Variants in PAN3 observed in about 807,000 individuals in gnomAD.
PAN3 encodes the protein PAN2-PAN3 deadenylation complex subunit PAN3.
A neutral mutation model predicts 96.2 loss-of-function variants in PAN3; 19 were observed. That is an observed-to-expected ratio of 0.20 (90% CI 0.14 to 0.29). PAN3 has a LOEUF of 0.29. Among genes scored for constraint, PAN3 ranks in the 10% least tolerant of loss-of-function variants. PAN3 has a pLI of 1.00. For missense variants in PAN3, 882 were observed against 1,108.1 expected (o/e 0.80, Z 2.90); for synonymous variants, 433 against 406.6 (o/e 1.06, Z -0.78).
intron 6 of PAN3, among the ~76,000 whole-genome samples, chr13:28,224,488 A>G (rs1310409567): frequency 6.6e-6 from 1 of 152,184 alleles, no homozygotes; most frequent in African/African-American, 2.4e-5. Flanking sequence ...ATGAGTTCTT[A>G]TATTTGCAAA....
At chr13:28,188,662 G>A (rs552156601) in intron 4 of PAN3, among the ~76,000 whole-genome samples, 17 of 152,332 alleles carry the variant, frequency 1.1e-4, no homozygotes, top group Admixed American at 5.2e-4. Flanking sequence ...ATTACACAGT[G>A]ATTATGTTTT....
rs567275000 is a variant in PAN3 at position 28,193,819 on chromosome 13, A to G, written c.691-3366A>G. Among the ~76,000 whole-genome samples the G allele has an allele frequency of 1.3e-4, 19 of 151,414 alleles. No homozygotes were observed. In the East Asian group the frequency reaches 3.7e-3, roughly 29 times the overall value. ...TTTTTTCAATGTTGTTTACTGTACT[A>G]CTACATAGAAAGTGAATTGTATTGA... On this transcript the variant is annotated intron_variant, in intron 4 of 18. Coordinates refer to ENST00000380958, the MANE Select transcript of PAN3 (RefSeq NM_175854.8).
chr13:28,204,375 A>G (rs1830724126), intron 5 of PAN3, among the ~76,000 whole-genome samples: 1 of 152,170 alleles, frequency 6.6e-6, no homozygotes, highest in Admixed American at 6.5e-5. Context: ...TTGGGCTTGA[A>G]ATATTTTATC....
At chr13:28,196,659 T>A (rs1222143660) in intron 4 of PAN3, among the ~76,000 whole-genome samples, 2 of 152,094 alleles carry the variant, frequency 1.3e-5, no homozygotes, top group Non-Finnish European at 2.9e-5. Context: ...AGAATTAAAA[T>A]TTTTTAAAAA....
intron 5 of PAN3, chr13:28,215,267 G>A: frequency 1.4e-6 from 1 of 708,256 alleles, no homozygotes; most frequent in South Asian, 1.5e-5. Flanking sequence ...AGCCTCTCCA[G>A]GGTGTCTACA....
intron 6 of PAN3, chr13:28,240,049 T>A (rs1278249111): frequency 6.5e-6 from 1 of 152,878 alleles, no homozygotes; most frequent in African/African-American, 2.4e-5. Flanking sequence ...TAGTATGCAT[T>A]TGTGGCTTAG....
chr13:28,159,293 C>T (rs1217389905), intron 1 of PAN3, among the ~76,000 whole-genome samples: 8 of 152,118 alleles, frequency 5.3e-5, no homozygotes, highest in Admixed American at 5.2e-4. Flanking sequence ...AGGATAATGT[C>T]CTTTGCAGCA....
intron 6 of PAN3, among the ~76,000 whole-genome samples, chr13:28,250,613 C>T (rs1400757974): frequency 6.6e-6 from 1 of 152,114 alleles, no homozygotes; most frequent in Non-Finnish European, 1.5e-5. Flanking sequence ...GTGACCCACC[C>T]GCCTCGGCCT....
At chr13:28,274,534 T>C (rs930167139) in intron 14 of PAN3, among the ~76,000 whole-genome samples, 1 of 151,664 alleles carries the variant, frequency 6.6e-6, no homozygotes, top group African/African-American at 2.4e-5. Flanking sequence ...CATTCTTTTC[T>C]CAGTAGGGTT....
Position 28,255,322 on chromosome 13 carries a change from A to T in PAN3, c.1001-970A>T, listed in dbSNP as rs1885049480. On this transcript the variant is annotated intron_variant, in intron 6 of 18. Transcript: ENST00000380958. ...GATCACCTCCATTAAGCCTTTGATT[A>T]ACGCTACCTGGTTTTAATTAATTTG... 2.0e-5 allele frequency among the ~76,000 whole-genome samples: 3 copies of T among 152,180 alleles called. No individual in the cohort carries two copies. The South Asian group carries it at 6.2e-4, about 32-fold the overall frequency.
In PAN3 at chr13:28,293,390, T is replaced by TTTTTTG. The variant is rs1566269233; in HGVS notation, c.*873_*874insGTTTTT. 1.6e-4 allele frequency: 3 copies of TTTTTTG among 18,292 alleles called. No individual in the cohort carries two copies. Among genetic ancestry groups the TTTTTTG allele is most frequent in the African/African-American group, 3.0e-4 (3 of 9,966 alleles). The allele number at this position is 18,292 out of a possible 1,614,324, so 1.1% of individuals were successfully genotyped here. On this transcript the variant is annotated 3_prime_UTR_variant, in exon 19 of 19. Coordinates refer to ENST00000380958, the MANE Select transcript of PAN3 (RefSeq NM_175854.8). ...TTAGGTTCTTTCCAGTTTGCTGGTTTTTTTTTTTTTTTTTTTTTTTTTTTT... is the reference window on the plus strand; with the variant it reads ...TTAGGTTCTTTCCAGTTTGCTGGTTTTTTTTGTTTTTTTTTTTTTTTTTTTTTTTTT...
intron 6 of PAN3, among the ~76,000 whole-genome samples, chr13:28,244,823 G>A (rs1884023810): frequency 6.6e-6 from 1 of 151,302 alleles, no homozygotes; most frequent in Admixed American, 6.6e-5. Context: ...TAATTAGCTT[G>A]GTTAATATTT....
At chr13:28,261,531 C>A in intron 9 of PAN3, 73 bp downstream of exon 9, 1 of 1,378,686 alleles carries the variant, frequency 7.3e-7, no homozygotes. Context: ...ATGTTTTATG[C>A]ATTATTAAGA....
Position 28,138,858 on chromosome 13 carries a change from G to T in PAN3, c.201G>T (p.Leu67=), listed in dbSNP as rs1869165199. ...TCFYGEECQF[L]HEDPAAGAAP... ...TCTACGGGGAGGAGTGTCAGTTCCT[G>T]CATGAGGACCCTGCCGCCGGGGCTG... The change falls in exon 1 of 19, where the codon CTG becomes CTT. Residue 67 remains leucine (L), a synonymous_variant. Coordinates refer to ENST00000380958, the MANE Select transcript of PAN3 (RefSeq NM_175854.8). 2.1e-6 allele frequency: 3 copies of T among 1,423,920 alleles called. No homozygotes were observed. The highest frequency in any genetic ancestry group is 5.6e-5 in the Admixed American group (2 of 35,712). 88.2% of individuals were successfully genotyped at this position (1,423,920 alleles called of 1,614,324 possible). A position where few individuals can be genotyped will look rare whatever the true frequency, so the allele number is the denominator to read the frequency against.
chr13:28,230,205 TAG>T (rs1411857280), intron 6 of PAN3, among the ~76,000 whole-genome samples: 1 of 152,154 alleles, frequency 6.6e-6, no homozygotes, highest in Non-Finnish European at 1.5e-5. Flanking sequence ...TCTGAATAAC[TAG>T]AGTTATTGTT....
intron 7 of PAN3, 76 bp downstream of exon 7, chr13:28,256,615 C>T: frequency 7.0e-7 from 1 of 1,424,268 alleles, no homozygotes; most frequent in South Asian, 1.5e-5. Context: ...GGTCTACCCC[C>T]TCCTGCAGCT....
chr13:28,153,394 C>T (rs1871665041), intron 1 of PAN3, among the ~76,000 whole-genome samples: 1 of 151,898 alleles, frequency 6.6e-6, no homozygotes. Context: ...CACCACCATG[C>T]CTGGCTAATT....
At chr13:28,212,944 A>G (rs1278734638) in intron 5 of PAN3, among the ~76,000 whole-genome samples, 1 of 152,196 alleles carries the variant, frequency 6.6e-6, no homozygotes, top group Non-Finnish European at 1.5e-5. Flanking sequence ...CTGTAAACCC[A>G]CAGACTCAAG....
At chr13:28,272,572 CTT>C (rs1320004749) in intron 14 of PAN3, among the ~76,000 whole-genome samples, 25 of 143,058 alleles carry the variant, frequency 1.7e-4, no homozygotes, top group Non-Finnish European at 2.6e-4. Context: ...GTCAGAGACT[CTT>C]TTTTTTTTTT....
Sources: allele counts gnomAD v4.1 joint callset (sites outside exome capture counted in the v4.1 genomes callset), GRCh38; gene constraint gnomAD v4.1.1; transcripts MANE v1.5; gene names NCBI Gene and HGNC (gene_info 2026-07-23, HGNC 2026-07-21).